Variants in BEST3 observed in about 807,000 individuals in gnomAD.
BEST3 encodes bestrophin 3.
Under a neutral mutation model 47.1 loss-of-function variants are expected in BEST3, and 50 were observed. That is an observed-to-expected ratio of 1.06 (90% CI 0.85 to 1.34). The LOEUF is 1.34. BEST3 is among the 40% of genes most tolerant of loss of function. BEST3 has a pLI of 0.00. For missense variants in BEST3, 765 were observed against 817.0 expected (o/e 0.94, Z 0.78); for synonymous variants, 282 against 298.8 (o/e 0.94, Z 0.58).
chr12:69,645,508 G>A (rs902074245), intron 9 of BEST3, among the ~76,000 whole-genome samples: 5 of 152,138 alleles, frequency 3.3e-5, no homozygotes, highest in Non-Finnish European at 7.4e-5. Flanking sequence ...GAGTGGTTAC[G>A]GTGATTGCTG....
chr12:69,681,694 G>C (rs1051565813), intron 4 of BEST3, among the ~76,000 whole-genome samples: 1 of 152,132 alleles, frequency 6.6e-6, no homozygotes, highest in Non-Finnish European at 1.5e-5. Context: ...GGAGAGGCCT[G>C]GACCCCGACC....
chr12:69,652,755 AC>A (rs1160545276), downstream of BEST3, among the ~76,000 whole-genome samples: 15 of 152,214 alleles, frequency 9.9e-5, no homozygotes, highest in African/African-American at 3.1e-4. Context: ...GTAGAAACTT[AC>A]TTGAATTTGA....
chr12:69,655,162 A>G lies in BEST3; in HGVS notation c.1752T>C (p.Asp584=), dbSNP rs761514405. Residue 584 remains aspartate (D), a synonymous_variant, in exon 10 of 10, where the codon GAT becomes GAC. Transcript: ENST00000330891. ...GAAGACTCCACCTTTTTAGAAAGGT[A>G]TCACCAGGGTCTTCTTCACAGTTGA... is the stretch of plus-strand genomic sequence containing the variant. The part of the protein sequence containing the change: ...NIFNCEEDPG[D]TFLKRWSLPG... 6.2e-7 allele frequency: 1 copy of G among 1,614,196 alleles called. No individual in the cohort carries two copies. Among genetic ancestry groups the G allele is most frequent in the Non-Finnish European group, 8.5e-7 (1 of 1,180,022 alleles).
Position 69,654,630 on chromosome 12 carries a change from A to T in BEST3, c.*277T>A. The T allele has an allele frequency of 8.6e-7, 1 of 1,163,946 alleles. No individual in the cohort carries two copies. Among genetic ancestry groups the T allele is most frequent in the Non-Finnish European group, 1.1e-6 (1 of 942,602 alleles). The allele number at this position is 1,163,946 out of a possible 1,614,324, so 72.1% of individuals were successfully genotyped here. On this transcript the variant is annotated 3_prime_UTR_variant, in exon 10 of 10. Coordinates refer to ENST00000330891, the MANE Select transcript of BEST3 (RefSeq NM_032735.3). ...TTTATAAGTCATGTATGTTTTTCAG[A>T]TTCCTTTTTTTGGTTAAGACTTATT...
downstream of BEST3, among the ~76,000 whole-genome samples, chr12:69,652,271 T>G (rs1883235271): frequency 6.6e-6 from 1 of 152,076 alleles, no homozygotes; most frequent in Admixed American, 6.5e-5. Context: ...ATGGGCAAAC[T>G]CAAAAGATTA....
chr12:69,689,876 C>T (rs1229105626), intron 4 of BEST3, among the ~76,000 whole-genome samples: 1 of 152,206 alleles, frequency 6.6e-6, no homozygotes, highest in African/African-American at 2.4e-5. Context: ...CGAATCCATC[C>T]TTTCTTAATT....
At chr12:69,693,196 C>A (rs962195001) in intron 4 of BEST3, among the ~76,000 whole-genome samples, 10 of 151,612 alleles carry the variant, frequency 6.6e-5, no homozygotes, top group African/African-American at 2.4e-4. Flanking sequence ...AGTAGGTAAT[C>A]AATAAATGTT....
chr12:69,668,356 A>G (rs1488837028), intron 9 of BEST3, among the ~76,000 whole-genome samples: 3 of 152,226 alleles, frequency 2.0e-5, no homozygotes, highest in African/African-American at 7.2e-5. Context: ...TATGGTCACC[A>G]AGAGGCAGGC....
chr12:69,676,857 A>G (rs756421236), intron 7 of BEST3, 59 bp downstream of exon 7: 4 of 1,531,784 alleles, frequency 2.6e-6, no homozygotes, highest in Non-Finnish European at 3.6e-6. Flanking sequence ...GTAAAGGATT[A>G]GTGTGGAGAG....
At position 69,672,982 on chromosome 12, in the gene BEST3, A is replaced by G. The variant is rs1265926104; in HGVS notation, c.868-17T>C. The G allele has an allele frequency of 9.5e-6, 15 of 1,585,202 alleles. No homozygotes were observed. The highest frequency in any genetic ancestry group is 4.1e-5 in the African/African-American group (3 of 73,874). ...CTCTGCTACCTGTAGTTGAGAACAT[A>G]AAATAAATCCATCATGATACCTGTG... On this transcript the variant is annotated splice_polypyrimidine_tract_variant and intron_variant, in intron 7 of 9. Transcript: ENST00000330891.
intron 9 of BEST3, chr12:69,670,680 A>G (rs1244534770): frequency 3.4e-6 from 2 of 588,980 alleles, no homozygotes; most frequent in East Asian, 5.5e-5. Context: ...ATCCGCTTAC[A>G]GCAGGCCTCA....
chr12:69,655,587 G>T lies in BEST3; in HGVS notation c.1327C>A (p.Pro443Thr), dbSNP rs200473792. The change falls in exon 10 of 10, where the codon CCC becomes ACC. Residue 443 changes from proline (P) to threonine (T), a missense_variant. Transcript: ENST00000330891. ...TTCCAGGTGGGTGAGGCCCTGGGGG[G>T]GTTTCTTGAGGGCACATCCAGTAGG... The part of the protein sequence containing the change: ...RDLLDVPSRN[P>T]PRASPTWKKS... The T allele has an allele frequency of 3.0e-4, 486 of 1,613,950 alleles. No individual in the cohort carries two copies. The African/African-American group carries it at 5.2e-3, about 17-fold the overall frequency.
intron 9 of BEST3, 84 bp downstream of exon 9, chr12:69,671,344 T>A (rs567665595): frequency 7.5e-6 from 9 of 1,199,052 alleles, no homozygotes; most frequent in Middle Eastern, 5.0e-4. Context: ...ATTATTTTAT[T>A]TCTTTTTTTT....
chr12:69,673,372 G>T (rs1884701910), intron 7 of BEST3, among the ~76,000 whole-genome samples: 1 of 152,124 alleles, frequency 6.6e-6, no homozygotes, highest in Admixed American at 6.5e-5. Context: ...CAGGGAGAAG[G>T]TTAAACAGTA....
intron 1 of BEST3, among the ~76,000 whole-genome samples, chr12:69,698,597 A>T (rs1396739657): frequency 6.6e-6 from 1 of 152,236 alleles, no homozygotes; most frequent in African/African-American, 2.4e-5. Context: ...TCTCAAAAGG[A>T]TCTATGAGGA....
intron 4 of BEST3, among the ~76,000 whole-genome samples, chr12:69,679,978 C>A (rs890038919): frequency 6.6e-6 from 1 of 151,574 alleles, no homozygotes; most frequent in African/African-American, 2.4e-5. Flanking sequence ...ACTCTCTGAG[C>A]CTCAATTTTC....
At chr12:69,680,083 C>T (rs190928934) in intron 4 of BEST3, among the ~76,000 whole-genome samples, 1 of 152,136 alleles carries the variant, frequency 6.6e-6, no homozygotes, top group African/African-American at 2.4e-5. Context: ...TAGCATAACG[C>T]TTAGCACACA....
At chr12:69,670,582 A>T (rs1226270536) in intron 9 of BEST3, 2 of 702,498 alleles carry the variant, frequency 2.8e-6, no homozygotes, top group South Asian at 3.0e-5. Flanking sequence ...AGATCTCCTG[A>T]AAGTAGAAGG....
rs760296401 is a variant in BEST3, at chr12:69,656,649, G to A, written c.1101-836C>T. Among the ~76,000 whole-genome samples, 12 of 152,192 alleles carry A rather than the reference G, an allele frequency of 7.9e-5. No individual in the cohort carries two copies. The South Asian group carries it at 1.9e-3, about 24-fold the overall frequency. ...CATTACAATACAGTGAGGTATTACT[G>A]TATTACTATAAAGTGAGGTATTAGT... is the stretch of plus-strand genomic sequence containing the variant. On this transcript the variant is annotated intron_variant, in intron 9 of 9. Transcript: ENST00000330891.
Sources: gnomAD v4.1 joint callset for allele counts (sites outside exome capture counted in the v4.1 genomes callset) on GRCh38, gnomAD v4.1.1 for gene constraint, MANE v1.5 for transcripts, NCBI Gene and HGNC (gene_info 2026-07-23, HGNC 2026-07-21) for gene names.